MOB3A: variants seen among roughly 807,000 people sequenced by gnomAD.
The protein encoded by MOB3A is MOB LAK.
In MOB3A, 17 loss-of-function variants were observed where a neutral mutation model predicts 17.8. That is an observed-to-expected ratio of 0.95 (90% confidence interval 0.65 to 1.43). The LOEUF (loss-of-function observed/expected upper bound fraction) is 1.43, where lower values mean the gene tolerates loss of function less well. Among genes scored for constraint, MOB3A ranks in the 40% most tolerant of loss-of-function variants. The pLI, the probability that MOB3A is intolerant of heterozygous loss-of-function variation, is 0.00. For missense variants in MOB3A, 333 were observed against 310.8 expected (o/e 1.07, Z -0.54); for synonymous variants, 124 against 133.2 (o/e 0.93, Z 0.48).
Position 2,082,934 on chromosome 19 carries a change from T to C in MOB3A, c.-120+2241A>G, listed in dbSNP as rs909490356. ...CTCAAGGGATCCTCCTGCCTCAGCC[T>C]CCTGAGTAGCTGGGACCACGGGCAC... On this transcript the variant is annotated intron_variant, in intron 2 of 4. Transcript: ENST00000357066. The surrounding 1 kb of genome is among the most constrained non-coding windows in gnomAD (Gnocchi z 4.1). 2.0e-5 allele frequency among the ~76,000 whole-genome samples: 3 copies of C among 152,206 alleles called. No homozygotes were observed. Among genetic ancestry groups the C allele is most frequent in the Non-Finnish European group, 4.4e-5 (3 of 68,034 alleles).
intron 1 of MOB3A, among the ~76,000 whole-genome samples, chr19:2,091,698 TG>T (rs2017616005): frequency 4.6e-5 from 7 of 151,446 alleles, no homozygotes; most frequent in African/African-American, 1.7e-4. Context: ...AGACCTTTTT[TG>T]TTAAAGAAGG....
intron 1 of MOB3A, chr19:2,090,295 C>G (rs962288993): frequency 4.6e-5 from 7 of 152,314 alleles, no homozygotes; most frequent in African/African-American, 1.7e-4. Context: ...CTCACACCCC[C>G]GACCACTTCC....
intron 4 of MOB3A, among the ~76,000 whole-genome samples, chr19:2,074,454 G>A (rs1420105141): frequency 6.6e-6 from 1 of 152,116 alleles, no homozygotes; most frequent in Non-Finnish European, 1.5e-5. Flanking sequence ...TAGAGCCACT[G>A]AGTATGCAAC....
intron 1 of MOB3A, among the ~76,000 whole-genome samples, chr19:2,091,965 C>G (rs1006316664): frequency 2.0e-5 from 3 of 149,526 alleles, no homozygotes; most frequent in African/African-American, 7.4e-5. Flanking sequence ...CCACTGCACT[C>G]CAGCCTGGGC....
At chr19:2,084,214 C>T in intron 2 of MOB3A, 1 of 465,446 alleles carries the variant, frequency 2.1e-6, no homozygotes, top group Non-Finnish European at 4.3e-6. Context: ...TGAGGGGTGC[C>T]AGGCGAGGTG....
At position 2,078,191 on chromosome 19, in the gene MOB3A, C is replaced by T. The variant is rs751838168; in HGVS notation, c.370G>A (p.Asp124Asn). The part of the protein sequence containing the change: ...SAPRYMDLLM[D>N]WIEAQINNED... ...TTGTTGATCTGCGCCTCGATCCAGT[C>T]CATCAGCAGGTCCATGTACCTGGGC... Residue 124 changes from aspartate (D) to asparagine (N), a missense_variant, in exon 3 of 5, where the codon GAC becomes AAC. Transcript: ENST00000357066. The T allele has an allele frequency of 1.9e-6, 3 of 1,606,038 alleles. No homozygotes were observed. Among genetic ancestry groups the T allele is most frequent in the Non-Finnish European group, 2.6e-6 (3 of 1,173,844 alleles).
chr19:2,086,720 T>C (rs1382368976), intron 1 of MOB3A, among the ~76,000 whole-genome samples: 2 of 152,210 alleles, frequency 1.3e-5, no homozygotes, highest in African/African-American at 2.4e-5. Flanking sequence ...TCACTCCTGC[T>C]GGAGGATGGC....
Position 2,082,724 on chromosome 19 carries a change from G to A in MOB3A, c.-120+2451C>T, listed in dbSNP as rs2017504839. ...CCTCCACTGCCTAGCAGAGCCACGT[G>A]GATGCTCCAAGTCCAGGGACTGCTG... is the stretch of plus-strand genomic sequence containing the variant. On this transcript the variant is annotated intron_variant, in intron 2 of 4. Coordinates refer to ENST00000357066, the MANE Select transcript of MOB3A (RefSeq NM_130807.3). This position sits in a 1 kb window ranked among gnomAD's most constrained non-coding sequence, Gnocchi z 4.1. 6.6e-6 allele frequency among the ~76,000 whole-genome samples: 1 copy of A among 152,176 alleles called. No individual in the cohort carries two copies. Among genetic ancestry groups the A allele is most frequent in the African/African-American group, 2.4e-5 (1 of 41,446 alleles).
At chr19:2,094,546 C>T (rs1460371234) in intron 1 of MOB3A, among the ~76,000 whole-genome samples, 1 of 152,258 alleles carries the variant, frequency 6.6e-6, no homozygotes, top group Non-Finnish European at 1.5e-5. Flanking sequence ...TTCCTCAAGG[C>T]ATCACTGTGG....
Position 2,080,868 on chromosome 19 carries a change from G to A in MOB3A, c.-119-2189C>T, listed in dbSNP as rs150043221. ...GCTAAATTTAAGGTGTGGACAGGCC[G>A]GGTGCAGTGGTTCACACCTGTAAGT... On this transcript the variant is annotated intron_variant, in intron 2 of 4. Coordinates refer to ENST00000357066, the MANE Select transcript of MOB3A (RefSeq NM_130807.3). Among the ~76,000 whole-genome samples, 5 of 152,284 alleles carry A rather than the reference G, an allele frequency of 3.3e-5. No homozygotes were observed. The East Asian group carries it at 7.7e-4, about 24-fold the overall frequency.
intron 4 of MOB3A, among the ~76,000 whole-genome samples, chr19:2,076,432 A>G (rs1218769246): frequency 6.6e-6 from 1 of 152,228 alleles, no homozygotes; most frequent in African/African-American, 2.4e-5. Flanking sequence ...ACTCCGTCTC[A>G]AAACAAACAA....
chr19:2,077,180 C>A (rs1039980403), intron 3 of MOB3A, among the ~76,000 whole-genome samples, 167 bp from the exon 4 acceptor site: 2 of 152,158 alleles, frequency 1.3e-5, no homozygotes, highest in African/African-American at 4.8e-5. Flanking sequence ...GCAGGCAGAT[C>A]ACTTGAGGTC....
At chr19:2,088,077 C>T (rs574817368) in intron 1 of MOB3A, among the ~76,000 whole-genome samples, 2 of 152,308 alleles carry the variant, frequency 1.3e-5, no homozygotes, top group East Asian at 3.9e-4. Flanking sequence ...GGGGGCGATT[C>T]TGCACCCCGG....
intron 1 of MOB3A, among the ~76,000 whole-genome samples, chr19:2,092,054 T>C (rs377722794): frequency 4.2e-5 from 6 of 143,068 alleles, no homozygotes; most frequent in African/African-American, 1.0e-4. Context: ...TGAAAAAAAA[T>C]AAGGAACTAT....
At chr19:2,083,673 C>A (rs1203444891) in intron 2 of MOB3A, among the ~76,000 whole-genome samples, 2 of 152,248 alleles carry the variant, frequency 1.3e-5, no homozygotes, top group African/African-American at 4.8e-5. Flanking sequence ...TCTGGGCCGA[C>A]TCACAGCCAA....
chr19:2,085,449 T>TAGCA (rs546445667), intron 1 of MOB3A, 121 bp from the exon 2 acceptor site: 2 of 150,246 alleles, frequency 1.3e-5, no homozygotes, highest in South Asian at 4.2e-4. Context: ...CACCGAGGTG[T>TAGCA]AGCAGCTCAC....
At chr19:2,095,541 G>A (rs2017673432) in intron 1 of MOB3A, among the ~76,000 whole-genome samples, 1 of 152,158 alleles carries the variant, frequency 6.6e-6, no homozygotes, top group Non-Finnish European at 1.5e-5. Flanking sequence ...CGGGAGGTGC[G>A]GGGTCCTGCG....
Position 2,085,307 on chromosome 19 carries a change from C to T in MOB3A, c.-252G>A, listed in dbSNP as rs1243259320. 1 of 151,858 alleles carries T rather than the reference C, an allele frequency of 6.6e-6. No individual in the cohort carries two copies. Among genetic ancestry groups the T allele is most frequent in the East Asian group, 1.9e-4 (1 of 5,186 alleles). 9.4% of individuals were successfully genotyped at this position (151,858 alleles called of 1,614,324 possible). ...TCCCCCGGTCTTCCCACGGACGAGA[C>T]ACAAGTGACCCTTGGAAACTTCTAG... On this transcript the variant is annotated 5_prime_UTR_variant, in exon 2 of 5. Transcript: ENST00000357066.
At chr19:2,086,477 A>G (rs991893177) in intron 1 of MOB3A, among the ~76,000 whole-genome samples, 8 of 151,302 alleles carry the variant, frequency 5.3e-5, no homozygotes, top group African/African-American at 1.9e-4. Context: ...TCTCCTGGTC[A>G]GCCTCCTGTA....
Sources: gnomAD v4.1 joint callset for allele counts (sites outside exome capture counted in the v4.1 genomes callset) on GRCh38, gnomAD v4.1.1 for gene constraint, Gnocchi (gnomAD v3.1) non-coding constraint, MANE v1.5 for transcripts, NCBI Gene and HGNC (gene_info 2026-07-23, HGNC 2026-07-21) for gene names.